MNAT1: variants seen among roughly 807,000 people sequenced by gnomAD.
MNAT1 encodes the protein MNAT1 component of CDK activating kinase, also known as CDK-activating kinase assembly factor MAT1.
In MNAT1, 43 loss-of-function variants were observed where a neutral mutation model predicts 42.0. That is an observed-to-expected ratio of 1.02 (90% CI 0.80 to 1.32). MNAT1 has a LOEUF of 1.32. Ranked by LOEUF, MNAT1 falls within the 40% of genes most tolerant of loss-of-function variation. The pLI, the probability that MNAT1 is intolerant of heterozygous loss-of-function variation, is 0.00. For synonymous variants in MNAT1, 118 were observed against 120.0 expected, an observed-to-expected ratio of 0.98 and a Z score of 0.11; for missense variants, 306 against 350.4, an observed-to-expected ratio of 0.87 and a Z score of 1.01.
At chr14:60,926,296 C>G (rs2035762498) in intron 7 of MNAT1, among the ~76,000 whole-genome samples, 1 of 152,200 alleles carries the variant, frequency 6.6e-6, no homozygotes, top group Non-Finnish European at 1.5e-5. Flanking sequence ...GTCCAGTAGA[C>G]ACCAACTGGG....
chr14:60,912,687 A>G (rs995525327), intron 7 of MNAT1, among the ~76,000 whole-genome samples: 2 of 152,184 alleles, frequency 1.3e-5, no homozygotes, highest in African/African-American at 4.8e-5. Flanking sequence ...CTGCCAAGAG[A>G]TCAGCTGTTA....
chr14:60,744,173 C>T (rs918561613), intron 1 of MNAT1, among the ~76,000 whole-genome samples: 2 of 151,130 alleles, frequency 1.3e-5, no homozygotes, highest in African/African-American at 4.9e-5. Context: ...ACTCTGTTGC[C>T]CATGCTGGAG....
chr14:60,747,261 G>A (rs189889932), intron 1 of MNAT1, among the ~76,000 whole-genome samples: 1 of 152,122 alleles, frequency 6.6e-6, no homozygotes, highest in African/African-American at 2.4e-5. Flanking sequence ...TAGGATTACA[G>A]GCGTGAGCCA....
At chr14:60,846,766 T>A (rs1188381169) in intron 6 of MNAT1, among the ~76,000 whole-genome samples, 1 of 152,222 alleles carries the variant, frequency 6.6e-6, no homozygotes, top group Non-Finnish European at 1.5e-5. Context: ...TATGGCCAAA[T>A]ATATTTTTTA....
intron 1 of MNAT1, among the ~76,000 whole-genome samples, chr14:60,739,677 G>A (rs1054003198): frequency 5.3e-5 from 8 of 152,168 alleles, no homozygotes; most frequent in African/African-American, 1.9e-4. Context: ...GAAGAAGATT[G>A]GATTTCATGT....
chr14:60,750,529 CTTTTTTTT>C (rs775053270), intron 1 of MNAT1, among the ~76,000 whole-genome samples: 4 of 90,678 alleles, frequency 4.4e-5, no homozygotes, highest in African/African-American at 1.7e-4. Context: ...TGCGCCCAGC[CTTTTTTTT>C]TTTTTTTTTT....
intron 7 of MNAT1, among the ~76,000 whole-genome samples, chr14:60,918,348 A>G (rs1402981728): frequency 6.6e-6 from 1 of 150,798 alleles, no homozygotes; most frequent in Non-Finnish European, 1.5e-5. Flanking sequence ...AGCTGGGACT[A>G]CAGGCGCCCG....
intron 6 of MNAT1, among the ~76,000 whole-genome samples, chr14:60,820,795 A>G (rs1310509401): frequency 6.6e-6 from 1 of 152,148 alleles, no homozygotes; most frequent in Non-Finnish European, 1.5e-5. Flanking sequence ...TGGTAAATAA[A>G]CAATATTAAA....
At chr14:60,824,876 A>G (rs999981224) in intron 6 of MNAT1, among the ~76,000 whole-genome samples, 1 of 152,184 alleles carries the variant, frequency 6.6e-6, no homozygotes, top group Non-Finnish European at 1.5e-5. Flanking sequence ...AATGCTGAAT[A>G]TTGTTATAAG....
chr14:60,933,302 T>C (rs1343739552), intron 7 of MNAT1, among the ~76,000 whole-genome samples: 1 of 152,144 alleles, frequency 6.6e-6, no homozygotes, highest in Non-Finnish European at 1.5e-5. Flanking sequence ...CAATGATAAA[T>C]TGTTGTATTG....
At chr14:60,837,327 T>C (rs2033420043) in intron 6 of MNAT1, among the ~76,000 whole-genome samples, 1 of 152,208 alleles carries the variant, frequency 6.6e-6, no homozygotes, top group Non-Finnish European at 1.5e-5. Flanking sequence ...AGTTTTGTGC[T>C]TGAAACCCAG....
chr14:60,911,327 A>G (rs1428545389), intron 7 of MNAT1, among the ~76,000 whole-genome samples: 1 of 152,096 alleles, frequency 6.6e-6, no homozygotes, highest in African/African-American at 2.4e-5. Flanking sequence ...TATTTCCGTC[A>G]GTTCTGCTCT....
Position 60,947,147 on chromosome 14 carries a change from CACAATTCAGT to C in MNAT1, c.810-21078_810-21069del, listed in dbSNP as rs1280397419. On this transcript the variant is annotated intron_variant, in intron 7 of 7. Transcript: ENST00000261245. The stretch of plus-strand genomic sequence containing the variant: ...AGAAGAATTTTAAGGGTAGAGGTAA[CACAATTCAGT>C]ACATAGCAAATCGTTTTCAGACTTT... 3.3e-5 allele frequency among the ~76,000 whole-genome samples: 5 copies of C among 152,126 alleles called. No individual in the cohort carries two copies. In the East Asian group the frequency reaches 5.8e-4, roughly 18 times the overall value.
At chr14:60,911,467 A>G (rs919089383) in intron 7 of MNAT1, among the ~76,000 whole-genome samples, 2 of 152,096 alleles carry the variant, frequency 1.3e-5, no homozygotes, top group Non-Finnish European at 2.9e-5. Context: ...ACTTAGTGCT[A>G]TAAAGTTCCC....
chr14:60,807,942 CT>C (rs993989789), intron 3 of MNAT1, among the ~76,000 whole-genome samples: 1 of 151,832 alleles, frequency 6.6e-6, no homozygotes. Flanking sequence ...TTTTTTAACT[CT>C]TTTTTTAAAA....
intron 7 of MNAT1, among the ~76,000 whole-genome samples, chr14:60,934,530 C>T (rs1313022095): frequency 1.3e-5 from 2 of 152,116 alleles, no homozygotes; most frequent in African/African-American, 2.4e-5. Context: ...GAATAAGTCT[C>T]ACGAGATCTG....
At chr14:60,931,167 A>G (rs1407951634) in intron 7 of MNAT1, among the ~76,000 whole-genome samples, 1 of 152,146 alleles carries the variant, frequency 6.6e-6, no homozygotes, top group East Asian at 1.9e-4. Flanking sequence ...CTTCAGGTGC[A>G]GGGTAAGGAA....
chr14:60,885,365 T>G (rs112543139), intron 7 of MNAT1, among the ~76,000 whole-genome samples: 2 of 152,110 alleles, frequency 1.3e-5, no homozygotes, highest in African/African-American at 4.8e-5. Context: ...CTTTTAGGCA[T>G]GCTTCATTGT....
intron 4 of MNAT1, 115 bp downstream of exon 4, chr14:60,808,543 A>C: frequency 1.5e-6 from 1 of 651,772 alleles, no homozygotes; most frequent in Admixed American, 3.4e-5. Context: ...TTTAGCTGAA[A>C]TTTAGACCAG....
Sources: gnomAD v4.1 joint callset for allele counts (sites outside exome capture counted in the v4.1 genomes callset) on GRCh38, gnomAD v4.1.1 for gene constraint, MANE v1.5 for transcripts, NCBI Gene and HGNC (gene_info 2026-07-23, HGNC 2026-07-21) for gene names.